Variants in ADGRG3 observed in about 807,000 individuals in gnomAD.
ADGRG3 encodes G protein-coupled receptor 97.
In ADGRG3, 39 loss-of-function variants were observed where a neutral mutation model predicts 54.3. The observed-to-expected ratio is 0.72, with a 90% CI of 0.56 to 0.94. The LOEUF is 0.94. ADGRG3 is among the 40% of genes least tolerant of loss of function. The pLI is 0.00. For missense variants in ADGRG3, 654 were observed against 694.6 expected (o/e 0.94, Z 0.66); for synonymous variants, 312 against 290.0 (o/e 1.08, Z -0.77).
At chr16:57,670,717 A>T (rs1439992941) in intron 1 of ADGRG3, among the ~76,000 whole-genome samples, 1 of 152,188 alleles carries the variant, frequency 6.6e-6, no homozygotes, top group Non-Finnish European at 1.5e-5. Flanking sequence ...ATCTAAAACG[A>T]ATTATCACAT....
In ADGRG3 at chr16:57,678,336, C is replaced by T; in HGVS notation, c.492+20C>T. ...TTCAAGGTGAGGACTCAGGGAAGCT[C>T]CAAGGTTAAGTGCTAGGTCCTCTGG... On this transcript the variant is annotated intron_variant, in intron 4 of 11. Transcript: ENST00000333493. The T allele has an allele frequency of 1.2e-6, 2 of 1,613,818 alleles. No homozygotes were observed. Among genetic ancestry groups the T allele is most frequent in the Non-Finnish European group, 1.7e-6 (2 of 1,179,734 alleles).
intron 1 of ADGRG3, among the ~76,000 whole-genome samples, chr16:57,669,512 G>A (rs571576302): frequency 4.6e-5 from 7 of 152,300 alleles, no homozygotes; most frequent in South Asian, 2.1e-4. Context: ...AGCTGTCATC[G>A]CTGGTTGGGC....
chr16:57,675,400 G>A (rs537352683), intron 2 of ADGRG3, among the ~76,000 whole-genome samples: 3 of 152,248 alleles, frequency 2.0e-5, no homozygotes, highest in South Asian at 2.1e-4. Flanking sequence ...CGAGGCAAGC[G>A]GATCGCTTGA....
At position 57,683,077 on chromosome 16, in the gene ADGRG3, G is replaced by A. The variant is rs145008386; in HGVS notation, c.882-855G>A. Among the ~76,000 whole-genome samples, 17 of 152,372 alleles carry A rather than the reference G, an allele frequency of 1.1e-4. No homozygotes were observed. The East Asian group carries it at 3.3e-3, about 29-fold the overall frequency. ...GGAAACCTCCAAGGGGCATTTGAAA[G>A]GCAGAAGAAGAGGAGTCAGGCAAAG... On this transcript the variant is annotated intron_variant, in intron 8 of 11. Transcript: ENST00000333493.
intron 8 of ADGRG3, chr16:57,682,726 G>A: frequency 2.6e-6 from 2 of 760,944 alleles, no homozygotes; most frequent in Non-Finnish European, 3.2e-6. Flanking sequence ...ATTCAGAGTG[G>A]GGGCTCCAGA....
chr16:57,669,051 A>T (rs1264882615), intron 1 of ADGRG3, among the ~76,000 whole-genome samples: 1 of 151,708 alleles, frequency 6.6e-6, no homozygotes, highest in African/African-American at 2.4e-5. Context: ...CTGTCCCCCT[A>T]CCCCTTGCCC....
chr16:57,684,297 C>T, intron 9 of ADGRG3, 85 bp downstream of exon 9: 2 of 1,568,016 alleles, frequency 1.3e-6, no homozygotes, highest in African/African-American at 1.3e-5. Flanking sequence ...AGGAGGGGTT[C>T]CCAGAGCTGG....
chr16:57,682,685 T>C (rs1263223937), intron 8 of ADGRG3: 1 of 956,378 alleles, frequency 1.0e-6, no homozygotes, highest in Non-Finnish European at 1.2e-6. Context: ...CTCCCTCGGC[T>C]GAGAGCCCTT....
rs1184920549 is a variant in ADGRG3 at position 57,688,603 on chromosome 16, C to T, written c.*142C>T. Reference sequence around the variant, plus strand: ...GAGAGGATGGGACCAGGTTGGACCACGTGGCATCAGAGGTCCCATCCAGAT... The same window carrying T: ...GAGAGGATGGGACCAGGTTGGACCATGTGGCATCAGAGGTCCCATCCAGAT... On this transcript the variant is annotated 3_prime_UTR_variant, in exon 12 of 12. Coordinates refer to ENST00000333493, the MANE Select transcript of ADGRG3 (RefSeq NM_170776.5). 34 of 658,624 alleles carry T rather than the reference C, an allele frequency of 5.2e-5. No individual in the cohort carries two copies. Among genetic ancestry groups the T allele is most frequent in the East Asian group, 1.3e-4 (5 of 37,130 alleles). The allele number at this position is 658,624 out of a possible 1,614,324, so 40.8% of individuals were successfully genotyped here.
At chr16:57,681,629 G>A (rs1288643492) in intron 8 of ADGRG3, among the ~76,000 whole-genome samples, 2 of 151,232 alleles carry the variant, frequency 1.3e-5, no homozygotes, top group Non-Finnish European at 2.9e-5. Context: ...AGGAGGTTGA[G>A]GCAGGAGAAT....
At chr16:57,675,929 A>G (rs2048254358) in intron 2 of ADGRG3, among the ~76,000 whole-genome samples, 1 of 152,186 alleles carries the variant, frequency 6.6e-6, no homozygotes, top group African/African-American at 2.4e-5. Flanking sequence ...TGAATTGGAC[A>G]CTTTAAAATG....
At chr16:57,668,995 T>A (rs1297344805) in intron 1 of ADGRG3, among the ~76,000 whole-genome samples, 2 of 152,338 alleles carry the variant, frequency 1.3e-5, no homozygotes, top group Admixed American at 1.3e-4. Flanking sequence ...CCAGAGGCCA[T>A]GGAAGTGCCC....
chr16:57,671,521 A>T (rs959485610), intron 1 of ADGRG3, among the ~76,000 whole-genome samples: 12 of 151,984 alleles, frequency 7.9e-5, no homozygotes, highest in Non-Finnish European at 1.6e-4. Context: ...TTGTATGTTT[A>T]GTAGGGCTTC....
chr16:57,681,387 TGC>T (rs1567858855), intron 8 of ADGRG3, among the ~76,000 whole-genome samples: 1,537 of 147,228 alleles, frequency 0.01, 28 homozygotes, highest in African/African-American at 0.038. Context: ...CGCGCGTGCG[TGC>T]GCGCAGGACA....
At chr16:57,677,595 T>C (rs768306474) in intron 3 of ADGRG3, among the ~76,000 whole-genome samples, 9 of 152,152 alleles carry the variant, frequency 5.9e-5, no homozygotes, top group Non-Finnish European at 1.0e-4. Flanking sequence ...AAAAAACAAA[T>C]GCTTTGCAAT....
At chr16:57,676,093 G>A in intron 2 of ADGRG3, 107 bp from the exon 3 acceptor site, 1 of 1,017,864 alleles carries the variant, frequency 9.8e-7, no homozygotes, top group Non-Finnish European at 1.5e-6. Flanking sequence ...CTGATCCCAG[G>A]GTCTTTACTT....
At chr16:57,684,629 C>A in intron 10 of ADGRG3, 146 bp downstream of exon 10, 1 of 616,372 alleles carries the variant, frequency 1.6e-6, no homozygotes, top group Non-Finnish European at 2.9e-6. Flanking sequence ...CCAGCTAGCT[C>A]ATGGCACAGA....
chr16:57,677,113 C>A (rs1331547245), intron 3 of ADGRG3, among the ~76,000 whole-genome samples: 1 of 152,170 alleles, frequency 6.6e-6, no homozygotes, highest in Non-Finnish European at 1.5e-5. Context: ...TGTACTGGCC[C>A]CAGAAATCAC....
intron 8 of ADGRG3, chr16:57,681,348 CTGTGTGTGTGTGTGTGTGTGTG>C (rs72283299): frequency 7.4e-6 from 1 of 135,378 alleles, no homozygotes; most frequent in African/African-American, 2.8e-5. Flanking sequence ...GTGTGTGTGT[CTGTGTGTGTGTGTGTGTGTGTG>C]TGTGTGCGCG....
Sources: gnomAD v4.1 joint callset for allele counts (sites outside exome capture counted in the v4.1 genomes callset) on GRCh38, gnomAD v4.1.1 for gene constraint, MANE v1.5 for transcripts, NCBI Gene and HGNC (gene_info 2026-07-23, HGNC 2026-07-21) for gene names.